Variants in RAB11FIP4 observed in about 807,000 individuals in gnomAD.
RAB11FIP4 encodes rab11 family-interacting protein 4.
RAB11FIP4 carries 23 observed loss-of-function variants against 74.3 expected under a neutral mutation model. That is an observed-to-expected ratio of 0.31 (90% CI 0.22 to 0.44). The LOEUF is 0.44. Among genes scored for constraint, RAB11FIP4 ranks in the 20% least tolerant of loss-of-function variants. The pLI is 1.00. For missense variants in RAB11FIP4, 630 were observed against 863.9 expected (o/e 0.73, Z 3.39); for synonymous variants, 360 against 359.9 (o/e 1.00, Z 0.00).
chr17:31,524,587 C>T (rs545320714), intron 9 of RAB11FIP4: 5 of 177,720 alleles, frequency 2.8e-5, no homozygotes, highest in Non-Finnish European at 4.8e-5. Context: ...GGGCTGTTGC[C>T]AGTGAGACGT....
chr17:31,533,492 G>A lies in RAB11FIP4; in HGVS notation c.*1760G>A, dbSNP rs1691122860. The A allele has an allele frequency of 6.6e-6, 1 of 152,362 alleles. No individual in the cohort carries two copies. Among genetic ancestry groups the A allele is most frequent in the South Asian group, 2.1e-4 (1 of 4,840 alleles). 9.4% of individuals were successfully genotyped at this position (152,362 alleles called of 1,614,324 possible). On this transcript the variant is annotated 3_prime_UTR_variant, in exon 15 of 15. Transcript: ENST00000621161. ...GGCAGTGGAAGAAGGCATGAGGAGA[G>A]GGTCTCTTGAGAATTTGCCAATAGG...
At chr17:31,411,375 AACAAAC>A (rs1439653480) in intron 1 of RAB11FIP4, among the ~76,000 whole-genome samples, 1 of 152,090 alleles carries the variant, frequency 6.6e-6, no homozygotes, top group Non-Finnish European at 1.5e-5. Flanking sequence ...AAAACAAACA[AACAAAC>A]AAACAAACAA....
chr17:31,428,152 T>C (rs1184590999), intron 1 of RAB11FIP4, among the ~76,000 whole-genome samples: 3 of 151,870 alleles, frequency 2.0e-5, no homozygotes, highest in Admixed American at 2.0e-4. Flanking sequence ...AAGGAGAAGA[T>C]GGTTAGGGTG....
chr17:31,499,602 G>A (rs902592762), intron 3 of RAB11FIP4, among the ~76,000 whole-genome samples: 43 of 152,188 alleles, frequency 2.8e-4, no homozygotes, highest in African/African-American at 8.2e-4. Flanking sequence ...TGATCCGCCC[G>A]TCTCGGCCTC....
intron 7 of RAB11FIP4, chr17:31,522,957 G>T (rs146664219): frequency 4.5e-4 from 79 of 174,268 alleles, no homozygotes; most frequent in African/African-American, 1.8e-3. Flanking sequence ...GTCACTGGGG[G>T]TGGCAGCTGG....
chr17:31,485,654 C>T (rs781389200), intron 3 of RAB11FIP4, among the ~76,000 whole-genome samples: 2 of 152,162 alleles, frequency 1.3e-5, no homozygotes, highest in Non-Finnish European at 2.9e-5. Flanking sequence ...CTTAAGGTCT[C>T]AGGGTGGAGA....
intron 3 of RAB11FIP4, among the ~76,000 whole-genome samples, chr17:31,448,847 G>A (rs1322484592): frequency 6.6e-6 from 1 of 152,128 alleles, no homozygotes; most frequent in Non-Finnish European, 1.5e-5. Flanking sequence ...CGGGCTGAGT[G>A]TGGGTTCTGC....
chr17:31,484,608 T>C (rs1184218694), intron 3 of RAB11FIP4, among the ~76,000 whole-genome samples: 2 of 152,074 alleles, frequency 1.3e-5, no homozygotes, highest in African/African-American at 4.8e-5. Context: ...ACCCATCAGA[T>C]ACAGTCACCA....
Position 31,531,811 on chromosome 17 carries a change from G to A in RAB11FIP4, c.*79G>A, listed in dbSNP as rs569215517. Reference sequence around the variant, plus strand: ...CTGCCCAAGGATGCAGGCCTAAGCCGGGCCTCACACTCACACTGTAAATGT... The same window carrying A: ...CTGCCCAAGGATGCAGGCCTAAGCCAGGCCTCACACTCACACTGTAAATGT... On this transcript the variant is annotated 3_prime_UTR_variant, in exon 15 of 15. Transcript: ENST00000621161. 5.0e-5 allele frequency: 45 copies of A among 895,842 alleles called. No individual in the cohort carries two copies. The highest frequency in any genetic ancestry group is 3.1e-4 in the African/African-American group (19 of 60,858). 55.5% of individuals were successfully genotyped at this position (895,842 alleles called of 1,614,324 possible). A position where few individuals can be genotyped will look rare whatever the true frequency, so the allele number is the denominator to read the frequency against.
At chr17:31,392,158 G>GCC in intron 1 of RAB11FIP4, 147 bp downstream of exon 1, 1 of 604,698 alleles carries the variant, frequency 1.7e-6, no homozygotes, top group Non-Finnish European at 2.3e-6. Flanking sequence ...CAGGACCTCG[G>GCC]CCCCCCCCGG....
At chr17:31,451,501 C>G (rs1225349396) in intron 3 of RAB11FIP4, among the ~76,000 whole-genome samples, 1 of 151,472 alleles carries the variant, frequency 6.6e-6, no homozygotes, top group Admixed American at 6.6e-5. Context: ...CCATCCTCCT[C>G]TCCCTTGCAT....
At chr17:31,480,467 C>T (rs954331889) in intron 3 of RAB11FIP4, among the ~76,000 whole-genome samples, 18 of 152,004 alleles carry the variant, frequency 1.2e-4, no homozygotes, top group Admixed American at 1.1e-3. Flanking sequence ...TTTCCTGAAG[C>T]AAAAATTGGT....
Position 31,466,436 on chromosome 17 carries a change from AGTACTTAG to A in RAB11FIP4, c.336+32317_336+32324del, listed in dbSNP as rs1400756981. ...ATGAGGATTAAATGAATTAGTAAAA[AGTACTTAG>A]GTTAGTGTCTATCGCATAGTTATGT... On this transcript the variant is annotated intron_variant, in intron 3 of 14. Transcript: ENST00000621161. 2.0e-5 allele frequency among the ~76,000 whole-genome samples: 3 copies of A among 152,138 alleles called. 1 individual carries two copies. The highest frequency in any genetic ancestry group is 7.2e-5 in the African/African-American group (3 of 41,398).
intron 3 of RAB11FIP4, among the ~76,000 whole-genome samples, chr17:31,473,644 G>C (rs2071761892): frequency 6.6e-6 from 1 of 152,220 alleles, no homozygotes; most frequent in Non-Finnish European, 1.5e-5. Context: ...GAGGCGGTCA[G>C]CTCGGCCAGG....
At chr17:31,449,039 C>T (rs1597923245) in intron 3 of RAB11FIP4, among the ~76,000 whole-genome samples, 1 of 152,286 alleles carries the variant, frequency 6.6e-6, no homozygotes, top group East Asian at 1.9e-4. Context: ...CCTATGCCTG[C>T]ATTCTCTGTA....
intron 3 of RAB11FIP4, among the ~76,000 whole-genome samples, chr17:31,474,870 C>CAA (rs1192733364): frequency 6.9e-5 from 8 of 116,698 alleles, no homozygotes; most frequent in African/African-American, 2.1e-4. Flanking sequence ...CAAAACAAAA[C>CAA]AAAACAAAAA....
In RAB11FIP4 at chr17:31,522,645, G is replaced by C. The variant is rs535691098; in HGVS notation, c.929+250G>C. The C allele has an allele frequency of 2.6e-5, 14 of 545,830 alleles. No individual in the cohort carries two copies. In the Admixed American group the frequency reaches 4.3e-4, roughly 17 times the overall value. 33.8% of individuals were successfully genotyped at this position (545,830 alleles called of 1,614,324 possible). ...CCTAGGTCACCTTGACTTCAGGCAG[G>C]CATGCCAGGGATGCCCTGAGAGAGA... On this transcript the variant is annotated intron_variant, in intron 7 of 14. Coordinates refer to ENST00000621161, the MANE Select transcript of RAB11FIP4 (RefSeq NM_032932.6).
chr17:31,529,273 T>C (rs1318359530), intron 13 of RAB11FIP4, among the ~76,000 whole-genome samples: 1 of 152,022 alleles, frequency 6.6e-6, no homozygotes, highest in Non-Finnish European at 1.5e-5. Flanking sequence ...AATGTTGTTT[T>C]TGTTTTTTGA....
At chr17:31,522,640 G>A in intron 7 of RAB11FIP4, 2 of 547,520 alleles carry the variant, frequency 3.7e-6, no homozygotes, top group Non-Finnish European at 3.2e-6. Flanking sequence ...CTTGACTTCA[G>A]GCAGGCATGC....
Sources: allele counts gnomAD v4.1 joint callset (sites outside exome capture counted in the v4.1 genomes callset), GRCh38; gene constraint gnomAD v4.1.1; transcripts MANE v1.5; gene names NCBI Gene and HGNC (gene_info 2026-07-23, HGNC 2026-07-21).